The following PCDH15 variants were observed in gnomAD, a reference collection of about 807,000 sequenced individuals.
The protein encoded by PCDH15 is protocadherin-15.
PCDH15 carries 129 observed loss-of-function variants against 178.5 expected under a neutral mutation model. That is an observed-to-expected ratio of 0.72 (90% confidence interval 0.63 to 0.84). PCDH15 has a LOEUF of 0.84. Ranked by LOEUF, PCDH15 falls within the 40% of genes least tolerant of loss-of-function variation. PCDH15 has a pLI of 0.00. For missense variants in PCDH15, 2,230 were observed against 2,099.9 expected (o/e 1.06, Z -1.21); for synonymous variants, 800 against 732.0 (o/e 1.09, Z -1.50).
At chr10:55,480,626 A>G (rs1288339695) in intron 2 of PCDH15, among the ~76,000 whole-genome samples, 4 of 151,840 alleles carry the variant, frequency 2.6e-5, no homozygotes, top group Non-Finnish European at 4.4e-5. Flanking sequence ...TATATGATCA[A>G]TCACATTTAT....
At chr10:54,958,561 C>T (rs909057705) in intron 2 of PCDH15, among the ~76,000 whole-genome samples, 1 of 151,494 alleles carries the variant, frequency 6.6e-6, no homozygotes, top group Non-Finnish European at 1.5e-5. Context: ...AAGATAGAAA[C>T]AAACAATAGT....
chr10:54,508,385 C>G (rs766108705), intron 3 of PCDH15, among the ~76,000 whole-genome samples: 1 of 151,988 alleles, frequency 6.6e-6, no homozygotes, highest in Non-Finnish European at 1.5e-5. Flanking sequence ...CTCAGTCATA[C>G]TCTACTACAG....
chr10:55,349,125 T>C (rs1009024403), intron 2 of PCDH15, among the ~76,000 whole-genome samples: 16 of 152,112 alleles, frequency 1.1e-4, no homozygotes, highest in Non-Finnish European at 1.5e-4. Context: ...CTGGATTTAT[T>C]ATGTCTCCCA....
chr10:55,307,520 A>AT (rs977863178), intron 1 of PCDH15, among the ~76,000 whole-genome samples: 1 of 151,964 alleles, frequency 6.6e-6, no homozygotes, highest in African/African-American at 2.4e-5. Context: ...AAAAAAAAAA[A>AT]ATTATATTTT....
At chr10:54,247,957 TATACAC>T (rs571219272) in intron 8 of PCDH15, among the ~76,000 whole-genome samples, 324 of 137,570 alleles carry the variant, frequency 2.4e-3, no homozygotes, top group African/African-American at 9.6e-3. Flanking sequence ...TATATATATA[TATACAC>T]ATACAGTAAA....
At chr10:55,459,752 G>A (rs535832933) in intron 2 of PCDH15, among the ~76,000 whole-genome samples, 1 of 151,970 alleles carries the variant, frequency 6.6e-6, no homozygotes, top group Admixed American at 6.6e-5. Context: ...GTTTAGTCTG[G>A]GCAAATGGTT....
At chr10:55,133,169 T>C (rs1259206602) in intron 2 of PCDH15, among the ~76,000 whole-genome samples, 1 of 152,152 alleles carries the variant, frequency 6.6e-6, no homozygotes, top group African/African-American at 2.4e-5. Context: ...ATAACAGTTA[T>C]TAAAAATATT....
At chr10:54,125,229 C>T (rs543490474) in intron 15 of PCDH15, among the ~76,000 whole-genome samples, 28 of 151,988 alleles carry the variant, frequency 1.8e-4, no homozygotes, top group East Asian at 1.2e-3. Flanking sequence ...CTATTTTCTC[C>T]TGCTATTTGT....
At chr10:54,837,276 G>T (rs1448102392) in intron 3 of PCDH15, among the ~76,000 whole-genome samples, 1 of 151,956 alleles carries the variant, frequency 6.6e-6, no homozygotes, top group African/African-American at 2.4e-5. Context: ...CATTGTTTTT[G>T]TATAAAGTAA....
chr10:54,563,450 A>T (rs1306526168), intron 2 of PCDH15, among the ~76,000 whole-genome samples: 1 of 152,150 alleles, frequency 6.6e-6, no homozygotes, highest in East Asian at 1.9e-4. Flanking sequence ...ATTATAATTA[A>T]CTCAAAGTAC....
chr10:55,192,809 A>G (rs1839979608), intron 1 of PCDH15, among the ~76,000 whole-genome samples: 1 of 151,450 alleles, frequency 6.6e-6, no homozygotes. Flanking sequence ...ATACATGTAC[A>G]TACATACATA....
At position 54,043,519 on chromosome 10, in the gene PCDH15, C is replaced by G. The variant is rs1363221006; in HGVS notation, c.2221-20322G>C. Among the ~76,000 whole-genome samples the G allele has an allele frequency of 1.3e-5, 2 of 152,026 alleles. 1 individual carries two copies. ...GGTGATCCTCTCACCTCCTGAATAGCTGGGACTACAGGTATGCACCAACAT... is the reference window on the plus strand; with the variant it reads ...GGTGATCCTCTCACCTCCTGAATAGGTGGGACTACAGGTATGCACCAACAT... On this transcript the variant is annotated intron_variant, in intron 18 of 37. Coordinates refer to ENST00000644397, the MANE Select transcript of PCDH15 (RefSeq NM_001384140.1).
At chr10:54,849,399 T>A (rs1953572571) in intron 3 of PCDH15, among the ~76,000 whole-genome samples, 1 of 152,206 alleles carries the variant, frequency 6.6e-6, no homozygotes, top group Non-Finnish European at 1.5e-5. Flanking sequence ...ATCTCTTGGC[T>A]GTTTCCCTCT....
rs147112152 is a variant in PCDH15, at chr10:53,882,847, T to C, written c.3502-15990A>G. Among the ~76,000 whole-genome samples, 683 of 152,256 alleles carry C rather than the reference T, an allele frequency of 4.5e-3. 4 individuals are homozygous for C. Among genetic ancestry groups the C allele is most frequent in the African/African-American group, 0.016 (657 of 41,530 alleles). The stretch of plus-strand genomic sequence containing the variant: ...CTGTATTATGTGTAAAGATGAAAAA[T>C]TGTAAAAATGTAAATGGCCAATAGT... On this transcript the variant is annotated intron_variant, in intron 26 of 37. Coordinates refer to ENST00000644397, the MANE Select transcript of PCDH15 (RefSeq NM_001384140.1).
At position 54,962,731 on chromosome 10, in the gene PCDH15, G is replaced by C. The variant is rs1033468483; in HGVS notation, c.-79-65231C>G. Among the ~76,000 whole-genome samples, 37 of 152,242 alleles carry C rather than the reference G, an allele frequency of 2.4e-4. 1 individual carries two copies. Among genetic ancestry groups the C allele is most frequent in the Admixed American group, 1.2e-3 (18 of 15,298 alleles). ...ACTGTGCACTGTGGCTGGACTCCTT[G>C]CTTGCTCATTCACACACCCCTCTCT... On this transcript the variant is annotated intron_variant, in intron 2 of 5. Transcript: ENST00000458638.
At position 54,627,502 on chromosome 10, in the gene PCDH15, A is replaced by G. The variant is rs535749810; in HGVS notation, c.91+36670T>C. 4.8e-4 allele frequency among the ~76,000 whole-genome samples: 73 copies of G among 152,250 alleles called. 1 individual carries two copies. Among genetic ancestry groups the G allele is most frequent in the African/African-American group, 1.7e-3 (70 of 41,558 alleles). On this transcript the variant is annotated intron_variant, in intron 2 of 37. Transcript: ENST00000644397. ...TCTCTCTTTGCCTGCTGCCATCCAC[A>G]TAAGATGTGACGTGCTCCTCCTTGC...
intron 1 of PCDH15, among the ~76,000 whole-genome samples, chr10:54,776,549 C>T (rs1483326435): frequency 6.6e-6 from 1 of 151,972 alleles, no homozygotes; most frequent in Non-Finnish European, 1.5e-5. Flanking sequence ...TATAAAATGT[C>T]TTCATGCTGG....
At chr10:55,304,345 G>A (rs899065876) in intron 1 of PCDH15, among the ~76,000 whole-genome samples, 4 of 152,072 alleles carry the variant, frequency 2.6e-5, no homozygotes, top group Non-Finnish European at 4.4e-5. Flanking sequence ...TTTAGGATAC[G>A]TGAGAAAAAA....
chr10:55,616,702 G>A (rs190238816), intron 2 of PCDH15, among the ~76,000 whole-genome samples: 11 of 152,202 alleles, frequency 7.2e-5, no homozygotes, highest in Admixed American at 6.5e-4. Flanking sequence ...GTGCACTGAG[G>A]TGACTTGAGA....
Sources: gnomAD v4.1 joint callset for allele counts (sites outside exome capture counted in the v4.1 genomes callset) on GRCh38, gnomAD v4.1.1 for gene constraint, MANE v1.5 for transcripts, NCBI Gene and HGNC (gene_info 2026-07-23, HGNC 2026-07-21) for gene names.